ZMAT4: variants seen among roughly 807,000 people sequenced by gnomAD.
ZMAT4 encodes zinc finger matrin-type protein 4.
A neutral mutation model predicts 28.7 loss-of-function variants in ZMAT4; 17 were observed. The observed-to-expected ratio is 0.59, with a 90% CI of 0.41 to 0.89. The LOEUF (loss-of-function observed/expected upper bound fraction) is 0.89, where lower values mean the gene tolerates loss of function less well. ZMAT4 is among the 40% of genes least tolerant of loss of function. The pLI is 0.00. For synonymous variants in ZMAT4, 117 were observed against 109.2 expected, an observed-to-expected ratio of 1.07 and a Z score of -0.44; for missense variants, 240 against 283.8, an observed-to-expected ratio of 0.85 and a Z score of 1.11.
At chr8:40,855,042 C>T (rs1817246965) in intron 1 of ZMAT4, among the ~76,000 whole-genome samples, 2 of 152,136 alleles carry the variant, frequency 1.3e-5, no homozygotes, top group Admixed American at 1.3e-4. Flanking sequence ...GCATACTGTA[C>T]ACCAACAATA....
chr8:40,581,079 A>G, intron 6 of ZMAT4, 86 bp downstream of exon 6: 1 of 1,096,934 alleles, frequency 9.1e-7, no homozygotes, highest in Non-Finnish European at 1.4e-6. Context: ...CTACTTATTT[A>G]GAAATAGATG....
Position 40,547,569 on chromosome 8 carries a change from G to A in ZMAT4, c.675-15331C>T, listed in dbSNP as rs1412200017. Among the ~76,000 whole-genome samples, 7 of 109,976 alleles carry A rather than the reference G, an allele frequency of 6.4e-5. No homozygotes were observed. The East Asian group carries it at 1.2e-3, about 18-fold the overall frequency. 72.1% of individuals were successfully genotyped at this position (109,976 alleles called of 152,430 possible). A position where few individuals can be genotyped will look rare whatever the true frequency, so the allele number is the denominator to read the frequency against. Reference sequence around the variant, plus strand: ...CAGCCCAATCCCTTTACACATGAATGGGAATGTTAATATTTACCCCTCACA... The same window carrying A: ...CAGCCCAATCCCTTTACACATGAATAGGAATGTTAATATTTACCCCTCACA... On this transcript the variant is annotated intron_variant, in intron 6 of 6. Coordinates refer to ENST00000297737, the MANE Select transcript of ZMAT4 (RefSeq NM_024645.3).
At chr8:40,541,852 C>T (rs1006443212) in intron 6 of ZMAT4, among the ~76,000 whole-genome samples, 1 of 152,218 alleles carries the variant, frequency 6.6e-6, no homozygotes, top group Non-Finnish European at 1.5e-5. Flanking sequence ...TCGGACTCCC[C>T]TTTAGCTCAT....
chr8:40,826,624 T>C (rs924688234), intron 1 of ZMAT4, among the ~76,000 whole-genome samples: 6 of 152,170 alleles, frequency 3.9e-5, no homozygotes, highest in African/African-American at 1.4e-4. Context: ...TAACTTTCCT[T>C]GTAACCCCAT....
intron 5 of ZMAT4, among the ~76,000 whole-genome samples, chr8:40,619,675 C>A (rs1447096307): frequency 1.3e-5 from 2 of 152,190 alleles, no homozygotes; most frequent in Non-Finnish European, 2.9e-5. Context: ...AGGGCAGCAG[C>A]ATTTAGGGAA....
intron 6 of ZMAT4, among the ~76,000 whole-genome samples, chr8:40,566,702 C>T (rs1030969650): frequency 1.3e-5 from 2 of 151,998 alleles, no homozygotes; most frequent in African/African-American, 4.8e-5. Flanking sequence ...TTATACTGAC[C>T]AAAAGCTAGA....
intron 3 of ZMAT4, among the ~76,000 whole-genome samples, chr8:40,766,179 C>T (rs1563469508): frequency 6.6e-6 from 1 of 152,190 alleles, no homozygotes; most frequent in African/African-American, 2.4e-5. Context: ...TGGCATGATC[C>T]GCTTGCCTTT....
intron 2 of ZMAT4, among the ~76,000 whole-genome samples, chr8:40,806,764 A>T (rs935656753): frequency 3.9e-5 from 6 of 151,974 alleles, no homozygotes; most frequent in African/African-American, 1.5e-4. Flanking sequence ...CCCTACCGAA[A>T]ATGAGTGCAA....
At chr8:40,622,082 A>G (rs914380738) in intron 5 of ZMAT4, among the ~76,000 whole-genome samples, 17 of 152,246 alleles carry the variant, frequency 1.1e-4, no homozygotes, top group Non-Finnish European at 2.2e-4. Context: ...ACATGTTTAC[A>G]TCACACATTC....
chr8:40,607,925 T>C (rs985262912), intron 5 of ZMAT4, among the ~76,000 whole-genome samples: 29 of 152,106 alleles, frequency 1.9e-4, no homozygotes, highest in Admixed American at 1.8e-3. Flanking sequence ...CCCGCTCCAG[T>C]GGAGGCAGCA....
intron 5 of ZMAT4, among the ~76,000 whole-genome samples, chr8:40,631,678 A>G (rs767923883): frequency 1.3e-5 from 2 of 152,206 alleles, no homozygotes; most frequent in Non-Finnish European, 1.5e-5. Flanking sequence ...CAGAAGCAAC[A>G]TAATGGTACC....
intron 1 of ZMAT4, among the ~76,000 whole-genome samples, chr8:40,851,918 A>C (rs1417759199): frequency 6.6e-6 from 1 of 151,916 alleles, no homozygotes; most frequent in Non-Finnish European, 1.5e-5. Flanking sequence ...ATTTTTTGAG[A>C]TGGGGTCTCA....
intron 3 of ZMAT4, among the ~76,000 whole-genome samples, chr8:40,713,388 A>C (rs893311638): frequency 6.6e-6 from 1 of 152,166 alleles, no homozygotes. Context: ...ATTTCATATA[A>C]ATGTTCTGTA....
At chr8:40,725,569 T>C (rs1036399317) in intron 3 of ZMAT4, among the ~76,000 whole-genome samples, 7 of 152,196 alleles carry the variant, frequency 4.6e-5, no homozygotes, top group Non-Finnish European at 8.8e-5. Flanking sequence ...TTGCGGATCC[T>C]CTGCAGCTGT....
At chr8:40,670,108 A>T (rs537362977) in intron 5 of ZMAT4, among the ~76,000 whole-genome samples, 2 of 152,228 alleles carry the variant, frequency 1.3e-5, no homozygotes, top group African/African-American at 2.4e-5. Context: ...TCGAGAAAGA[A>T]GAAGAAAGTT....
At chr8:40,571,804 A>G (rs1047680181) in intron 6 of ZMAT4, among the ~76,000 whole-genome samples, 1 of 152,166 alleles carries the variant, frequency 6.6e-6, no homozygotes, top group Admixed American at 6.5e-5. Context: ...TTGGAAAAGG[A>G]TAGCTCTATT....
intron 1 of ZMAT4, among the ~76,000 whole-genome samples, chr8:40,845,812 G>C (rs1254249909): frequency 3.8e-5 from 2 of 52,066 alleles, no homozygotes; most frequent in Non-Finnish European, 1.4e-4. Flanking sequence ...GAGAGACTAA[G>C]GGTGGAGGGG....
intron 6 of ZMAT4, among the ~76,000 whole-genome samples, chr8:40,563,207 T>C (rs1803804903): frequency 6.6e-6 from 1 of 152,210 alleles, no homozygotes; most frequent in South Asian, 2.1e-4. Context: ...CCCAGGTTCA[T>C]CTCATCCAGG....
intron 3 of ZMAT4, among the ~76,000 whole-genome samples, chr8:40,721,210 T>G (rs1271159813): frequency 2.1e-5 from 3 of 145,390 alleles, no homozygotes; most frequent in Non-Finnish European, 4.5e-5. Context: ...TTCCCACCTA[T>G]GAGTGAGAAT....
Sources: allele counts gnomAD v4.1 joint callset (sites outside exome capture counted in the v4.1 genomes callset), GRCh38; gene constraint gnomAD v4.1.1; transcripts MANE v1.5; gene names NCBI Gene and HGNC (gene_info 2026-07-23, HGNC 2026-07-21).